Variants in SLC44A1 observed in about 807,000 individuals in gnomAD.
SLC44A1 encodes solute carrier family 44 member 1.
A neutral mutation model predicts 79.3 loss-of-function variants in SLC44A1; 26 were observed. The ratio of observed to expected loss-of-function variants is 0.33; its 90% CI spans 0.24 to 0.46. SLC44A1 has a LOEUF of 0.46. SLC44A1 is among the 20% of genes least tolerant of loss of function. The probability of loss-of-function intolerance (pLI) is 1.00; values close to 1 mark genes in which losing one functional copy is unlikely to be tolerated. For synonymous variants in SLC44A1, 263 were observed against 286.2 expected (o/e 0.92, Z 0.82); for missense variants, 688 against 798.1 (o/e 0.86, Z 1.66).
intron 1 of SLC44A1, among the ~76,000 whole-genome samples, chr9:105,269,104 G>A (rs1241464675): frequency 6.6e-6 from 1 of 151,994 alleles, no homozygotes. Context: ...CAGTGTATGT[G>A]CTCTTCCTTT....
intron 1 of SLC44A1, among the ~76,000 whole-genome samples, chr9:105,272,794 A>G (rs918202603): frequency 1.3e-5 from 2 of 152,152 alleles, no homozygotes; most frequent in African/African-American, 4.8e-5. Context: ...TCTAGCACAA[A>G]TGCTGAAAGT....
Position 105,304,058 on chromosome 9 carries a change from G to A in SLC44A1, c.126+4749G>A, listed in dbSNP as rs557897148. On this transcript the variant is annotated intron_variant, in intron 2 of 15. Transcript: ENST00000374720. ...GACATGTAGAATTTGTGAGTAAGGAGAAGCAGTTAGAAATGCAAAGTTGGA... is the reference window on the plus strand; with the variant it reads ...GACATGTAGAATTTGTGAGTAAGGAAAAGCAGTTAGAAATGCAAAGTTGGA... 2.0e-5 allele frequency among the ~76,000 whole-genome samples: 3 copies of A among 152,340 alleles called. No homozygotes were observed. In the South Asian group the frequency reaches 6.2e-4, roughly 32 times the overall value.
chr9:105,396,602 A>G lies in SLC44A1; in HGVS notation c.*7546A>G. 4.1e-6 allele frequency: 4 copies of G among 985,430 alleles called. No individual in the cohort carries two copies. The highest frequency in any genetic ancestry group is 4.8e-6 in the Non-Finnish European group (4 of 829,938). The allele number at this position is 985,430 out of a possible 1,614,324, so 61.0% of individuals were successfully genotyped here. On this transcript the variant is annotated 3_prime_UTR_variant, in exon 16 of 16. Coordinates refer to ENST00000374720, the MANE Select transcript of SLC44A1 (RefSeq NM_080546.5). Reference sequence around the variant, plus strand: ...CATCCAGTGTCAAGCCCAGCCCAGCATATGGGGTGATATGAGCAGAAAACA... The same window carrying G: ...CATCCAGTGTCAAGCCCAGCCCAGCGTATGGGGTGATATGAGCAGAAAACA...
At chr9:105,357,494 A>G (rs980984623) in intron 6 of SLC44A1, among the ~76,000 whole-genome samples, 3 of 152,098 alleles carry the variant, frequency 2.0e-5, no homozygotes, top group African/African-American at 7.3e-5. Flanking sequence ...AGAGTGTAAT[A>G]TAATCTTAAA....
In SLC44A1 at chr9:105,348,423, C is replaced by T. The variant is rs1219790412; in HGVS notation, c.472C>T (p.Leu158Phe). The change falls in exon 5 of 16, where the codon CTC becomes TTC. Residue 158 changes from leucine (L) to phenylalanine (F), a missense_variant. Transcript: ENST00000374720. The stretch of plus-strand genomic sequence containing the variant: ...CACTACATCTCCAAAATCTTCTGTT[C>T]TCTGCCCCAAACTACCAGTTCCAGC... ...EYTTSPKSSV[L>F]CPKLPVPASA... 4 of 1,610,544 alleles carry T rather than the reference C, an allele frequency of 2.5e-6. No homozygotes were observed. In the South Asian group the frequency reaches 4.4e-5, roughly 18 times the overall value.
At chr9:105,317,051 AT>A (rs1452603080) in intron 3 of SLC44A1, among the ~76,000 whole-genome samples, 2 of 152,156 alleles carry the variant, frequency 1.3e-5, no homozygotes, top group African/African-American at 4.8e-5. Flanking sequence ...TTCCAAGCTC[AT>A]TGAGGCTATT....
intron 6 of SLC44A1, among the ~76,000 whole-genome samples, chr9:105,356,724 C>T (rs1325072508): frequency 6.6e-6 from 1 of 152,082 alleles, no homozygotes; most frequent in Admixed American, 6.5e-5. Context: ...GGTGTATTTA[C>T]TTATACAGGA....
In SLC44A1 at chr9:105,390,174, G is replaced by T. The variant is rs1828727125; in HGVS notation, c.*1118G>T. 2 of 1,194,336 alleles carry T rather than the reference G, an allele frequency of 1.7e-6. No individual in the cohort carries two copies. Among genetic ancestry groups the T allele is most frequent in the African/African-American group, 1.6e-5 (1 of 63,716 alleles). 74.0% of individuals were successfully genotyped at this position (1,194,336 alleles called of 1,614,324 possible). On this transcript the variant is annotated 3_prime_UTR_variant, in exon 16 of 16. Coordinates refer to ENST00000374720, the MANE Select transcript of SLC44A1 (RefSeq NM_080546.5). ...AGTGTGACTGTTGTTTTTGTTTGGGGGTGGGTTTGGGGTTTTTTGCTTTTT... is the reference window on the plus strand; with the variant it reads ...AGTGTGACTGTTGTTTTTGTTTGGGTGTGGGTTTGGGGTTTTTTGCTTTTT...
intron 1 of SLC44A1, among the ~76,000 whole-genome samples, chr9:105,245,735 G>A (rs893629974): frequency 2.6e-5 from 4 of 152,194 alleles, no homozygotes; most frequent in African/African-American, 4.8e-5. Context: ...TGAGGGCTGA[G>A]ATGCAGAGAT....
At chr9:105,400,438 G>A (rs779089097), downstream of SLC44A1, among the ~76,000 whole-genome samples, 9 of 151,278 alleles carry the variant, frequency 5.9e-5, no homozygotes, top group Non-Finnish European at 8.8e-5. Context: ...GCAGTGAGCC[G>A]AGATTGTGCC....
chr9:105,396,135 A>G lies in SLC44A1; in HGVS notation c.*7079A>G, dbSNP rs1317714654. 2 of 985,198 alleles carry G rather than the reference A, an allele frequency of 2.0e-6. No individual in the cohort carries two copies. The highest frequency in any genetic ancestry group is 3.5e-5 in the African/African-American group (2 of 57,196). 61.0% of individuals were successfully genotyped at this position (985,198 alleles called of 1,614,324 possible). A position where few individuals can be genotyped will look rare whatever the true frequency, so the allele number is the denominator to read the frequency against. ...ACTTTTCTTCTGCTGTGTTGCCTTA[A>G]TGCTACTAGATTGTGTTGTGTTGTT... is the stretch of plus-strand genomic sequence containing the variant. On this transcript the variant is annotated 3_prime_UTR_variant, in exon 16 of 16. Transcript: ENST00000374720.
intron 5 of SLC44A1, among the ~76,000 whole-genome samples, chr9:105,354,285 C>T (rs1185944595): frequency 2.0e-5 from 3 of 151,646 alleles, no homozygotes; most frequent in South Asian, 4.2e-4. Flanking sequence ...CTCCTGACCT[C>T]GTGATCCGCC....
At chr9:105,291,781 G>A (rs1830606098) in intron 1 of SLC44A1, among the ~76,000 whole-genome samples, 1 of 152,136 alleles carries the variant, frequency 6.6e-6, no homozygotes, top group Non-Finnish European at 1.5e-5. Flanking sequence ...CTTGTCATGA[G>A]GTATAGGCTT....
intron 1 of SLC44A1, among the ~76,000 whole-genome samples, chr9:105,274,935 A>G (rs2131238381): frequency 6.6e-6 from 1 of 152,264 alleles, no homozygotes; most frequent in South Asian, 2.1e-4. Flanking sequence ...ATCTTTCATA[A>G]CCTTGATCCT....
Position 105,396,855 on chromosome 9 carries a change from A to G in SLC44A1, c.*7799A>G. 2.0e-6 allele frequency: 2 copies of G among 984,898 alleles called. No individual in the cohort carries two copies. Among genetic ancestry groups the G allele is most frequent in the Non-Finnish European group, 2.4e-6 (2 of 829,656 alleles). The allele number at this position is 984,898 out of a possible 1,614,324, so 61.0% of individuals were successfully genotyped here. On this transcript the variant is annotated 3_prime_UTR_variant, in exon 16 of 16. Coordinates refer to ENST00000374720, the MANE Select transcript of SLC44A1 (RefSeq NM_080546.5). The stretch of plus-strand genomic sequence containing the variant: ...ATGAATTCATAGTTTGGAATCATTT[A>G]CCTTACCATTATTTTGGATTTTTTT...
chr9:105,397,956 AAAAAAAAG>A (rs1246885043), downstream of SLC44A1, among the ~76,000 whole-genome samples: 1 of 151,796 alleles, frequency 6.6e-6, no homozygotes. Context: ...TCAGAAAAAA[AAAAAAAAG>A]AAAAAAAGAA....
At position 105,251,262 on chromosome 9, in the gene SLC44A1, T is replaced by C. The variant is rs117889771; in HGVS notation, c.36+6358T>C. On this transcript the variant is annotated intron_variant, in intron 1 of 15. Transcript: ENST00000374720. The stretch of plus-strand genomic sequence containing the variant: ...CACCGAATGATACCAATGCCCTGGT[T>C]GTGGAAACTGGAGACTCGAGTCCTG... Among the ~76,000 whole-genome samples the C allele has an allele frequency of 5.7e-3, 867 of 152,282 alleles. 5 individuals carry two copies. Among genetic ancestry groups the C allele is most frequent in the Admixed American group, 0.014 (209 of 15,280 alleles).
chr9:105,329,767 T>A (rs1345532634), intron 3 of SLC44A1, among the ~76,000 whole-genome samples: 1 of 152,170 alleles, frequency 6.6e-6, no homozygotes, highest in Non-Finnish European at 1.5e-5. Context: ...TGCTCTTTCA[T>A]GATTCTGTGC....
chr9:105,287,926 A>G (rs1022905072), intron 1 of SLC44A1, among the ~76,000 whole-genome samples: 1 of 152,206 alleles, frequency 6.6e-6, no homozygotes, highest in African/African-American at 2.4e-5. Context: ...GTTTTGATAT[A>G]TAGGTGATAT....
Sources: allele counts gnomAD v4.1 joint callset (sites outside exome capture counted in the v4.1 genomes callset), GRCh38; gene constraint gnomAD v4.1.1; transcripts MANE v1.5; gene names NCBI Gene and HGNC (gene_info 2026-07-23, HGNC 2026-07-21).